NT5DC3: variants seen among roughly 807,000 people sequenced by gnomAD.
NT5DC3 encodes the protein 5'-nucleotidase domain-containing protein 3.
NT5DC3 carries 42 observed loss-of-function variants against 67.8 expected under a neutral mutation model. The observed-to-expected ratio is 0.62, with a 90% CI of 0.48 to 0.80. The LOEUF (loss-of-function observed/expected upper bound fraction) is 0.80, where lower values mean the gene tolerates loss of function less well. Ranked by LOEUF, NT5DC3 falls within the 30% of genes least tolerant of loss-of-function variation. The probability of loss-of-function intolerance (pLI) is 0.00; values close to 1 mark genes in which losing one functional copy is unlikely to be tolerated. For synonymous variants in NT5DC3, 237 were observed against 255.6 expected (o/e 0.93, Z 0.69); for missense variants, 570 against 696.4 (o/e 0.82, Z 2.04).
rs1887189237 is a variant in NT5DC3 at position 103,815,026 on chromosome 12, C to T, written c.304G>A (p.Asp102Asn). 6.2e-7 allele frequency: 1 copy of T among 1,613,474 alleles called. No individual in the cohort carries two copies. The highest frequency in any genetic ancestry group is 8.5e-7 in the Non-Finnish European group (1 of 1,179,654). The part of the protein sequence containing the change: ...SLSDIEIYGF[D>N]YDYTLVFYSK... Reference sequence around the variant, plus strand: ...TAAAACACCAAGGTGTAATCATAATCGAAGCCATAGATTTCAATGTCTGAC... The same window carrying T: ...TAAAACACCAAGGTGTAATCATAATTGAAGCCATAGATTTCAATGTCTGAC... The change falls in exon 2 of 14, where the codon GAT becomes AAT. Residue 102 changes from aspartate to asparagine, a missense_variant. By Grantham distance (23) the Asp-to-Asn change is conservative (BLOSUM62 1). Coordinates refer to ENST00000392876, the MANE Select transcript of NT5DC3 (RefSeq NM_001031701.3).
chr12:103,802,932 A>G (rs1470346662), intron 4 of NT5DC3, among the ~76,000 whole-genome samples: 2 of 152,210 alleles, frequency 1.3e-5, no homozygotes, highest in Non-Finnish European at 2.9e-5. Context: ...CCAGGCATTC[A>G]GAGGAGGGGA....
At chr12:103,792,380 C>T (rs1593394971) in intron 9 of NT5DC3, among the ~76,000 whole-genome samples, 1 of 152,274 alleles carries the variant, frequency 6.6e-6, no homozygotes, top group Non-Finnish European at 1.5e-5. Context: ...CTTCAAATCA[C>T]CTAACAGAGA....
rs1885227349 is a variant in NT5DC3 at position 103,773,031 on chromosome 12, A to G, written c.*4798T>C. Reference sequence around the variant, plus strand: ...GATGGCTCAAGTACACACACTGGCCATACATGTAACTATGCCCAGGAAGTA... The same window carrying G: ...GATGGCTCAAGTACACACACTGGCCGTACATGTAACTATGCCCAGGAAGTA... On this transcript the variant is annotated 3_prime_UTR_variant, in exon 14 of 14. Coordinates refer to ENST00000392876, the MANE Select transcript of NT5DC3 (RefSeq NM_001031701.3). The G allele has an allele frequency of 6.6e-6, 1 of 152,332 alleles. No individual in the cohort carries two copies. The highest frequency in any genetic ancestry group is 2.1e-4 in the South Asian group (1 of 4,830). 9.4% of individuals were successfully genotyped at this position (152,332 alleles called of 1,614,324 possible).
chr12:103,817,091 G>C (rs1158418069), intron 1 of NT5DC3, among the ~76,000 whole-genome samples: 1 of 148,008 alleles, frequency 6.8e-6, no homozygotes, highest in Admixed American at 7.0e-5. Flanking sequence ...ACAGTTATCA[G>C]ATGTGCCAGG....
intron 1 of NT5DC3, among the ~76,000 whole-genome samples, chr12:103,837,085 G>C (rs2374287): frequency 6.6e-6 from 1 of 152,228 alleles, no homozygotes; most frequent in Non-Finnish European, 1.5e-5. Flanking sequence ...CTGAAATCTA[G>C]GTAGAGGTTC....
intron 4 of NT5DC3, among the ~76,000 whole-genome samples, chr12:103,799,641 C>G (rs1316474064): frequency 2.6e-5 from 4 of 152,112 alleles, no homozygotes; most frequent in Non-Finnish European, 4.4e-5. Flanking sequence ...CCACACCCAA[C>G]GCTCAGTGGA....
At chr12:103,831,770 C>CTTTTTT (rs568035358) in intron 1 of NT5DC3, among the ~76,000 whole-genome samples, 5 of 109,652 alleles carry the variant, frequency 4.6e-5, no homozygotes, top group Non-Finnish European at 7.2e-5. Context: ...TCAGCATCCT[C>CTTTTTT]TTTTTTTTTT....
intron 1 of NT5DC3, among the ~76,000 whole-genome samples, chr12:103,840,580 G>A (rs1008980044): frequency 4.0e-5 from 6 of 151,540 alleles, no homozygotes; most frequent in African/African-American, 1.2e-4. Context: ...TACTATTGAT[G>A]AGTAACAACA....
chr12:103,777,521 G>A lies in NT5DC3; in HGVS notation c.*308C>T, dbSNP rs564164239. The A allele has an allele frequency of 1.7e-4, 65 of 372,008 alleles. 1 individual carries two copies. Among genetic ancestry groups the A allele is most frequent in the African/African-American group, 1.2e-3 (61 of 49,474 alleles). The allele number at this position is 372,008 out of a possible 1,614,324, so 23.0% of individuals were successfully genotyped here. On this transcript the variant is annotated 3_prime_UTR_variant, in exon 14 of 14. Transcript: ENST00000392876. ...TTCAAGCTTGACCTGCTAGAATACA[G>A]ACATGGCATCAAGTGGTCTCACCTA...
Position 103,798,687 on chromosome 12 carries a change from C to A in NT5DC3, c.525-10G>T, listed in dbSNP as rs200110814. On this transcript the variant is annotated splice_polypyrimidine_tract_variant and intron_variant, in intron 4 of 13. Transcript: ENST00000392876. ...GACAACACTGAGGCCTCTGGAAAAA[C>A]CAGATGGTGCAGTTAAAGAGCTCAA... is the stretch of plus-strand genomic sequence containing the variant. 334 of 1,591,902 alleles carry A rather than the reference C, an allele frequency of 2.1e-4. 1 individual carries two copies. The highest frequency in any genetic ancestry group is 2.8e-4 in the Non-Finnish European group (327 of 1,159,840).
At position 103,778,155 on chromosome 12, in the gene NT5DC3, A is replaced by C. The variant is rs1157831010; in HGVS notation, c.1395-74T>G. ...CTTGTTTTTAAACTACTGAAATCAA[A>C]ATCACTTCTTTTTTTAAAAAAAAAA... On this transcript the variant is annotated intron_variant, in intron 13 of 13. Coordinates refer to ENST00000392876, the MANE Select transcript of NT5DC3 (RefSeq NM_001031701.3). The C allele has an allele frequency of 6.2e-6, 9 of 1,445,620 alleles. No individual in the cohort carries two copies. The Admixed American group carries it at 1.2e-4, about 19-fold the overall frequency. The allele number at this position is 1,445,620 out of a possible 1,614,324, so 89.5% of individuals were successfully genotyped here. A position where few individuals can be genotyped will look rare whatever the true frequency, so the allele number is the denominator to read the frequency against.
intron 1 of NT5DC3, among the ~76,000 whole-genome samples, chr12:103,827,138 G>A (rs940390505): frequency 6.6e-6 from 1 of 152,100 alleles, no homozygotes; most frequent in Admixed American, 6.6e-5. Flanking sequence ...CCAGCTACTC[G>A]GGAAGCTGAG....
At chr12:103,834,817 C>G (rs1166407994) in intron 1 of NT5DC3, among the ~76,000 whole-genome samples, 3 of 152,142 alleles carry the variant, frequency 2.0e-5, no homozygotes, top group African/African-American at 7.2e-5. Context: ...GGGAAGACAC[C>G]TGAACAGATT....
At chr12:103,835,068 G>A (rs1325460522) in intron 1 of NT5DC3, among the ~76,000 whole-genome samples, 1 of 152,126 alleles carries the variant, frequency 6.6e-6, no homozygotes, top group Non-Finnish European at 1.5e-5. Context: ...TCACTCATCT[G>A]TTTACCAGAA....
At chr12:103,794,738 G>A (rs1292509610) in intron 6 of NT5DC3, among the ~76,000 whole-genome samples, 1 of 152,216 alleles carries the variant, frequency 6.6e-6, no homozygotes, top group African/African-American at 2.4e-5. Context: ...GAGACAAATA[G>A]CTTACAAGTT....
At chr12:103,754,737 G>A in the NT5DC3 span, among the ~76,000 whole-genome samples, 1 of 152,076 alleles carries the variant, frequency 6.6e-6, no homozygotes, top group Non-Finnish European at 1.5e-5. Flanking sequence ...ATCACTTGAG[G>A]TCAGGAGTTT....
chr12:103,788,976 T>A, intron 9 of NT5DC3, 57 bp from the exon 10 acceptor site: 1 of 1,147,372 alleles, frequency 8.7e-7, no homozygotes, highest in Non-Finnish European at 1.3e-6. Flanking sequence ...GTCTGCTCTA[T>A]GAAATACCAG....
At chr12:103,840,170 T>C (rs1888318893) in intron 1 of NT5DC3, among the ~76,000 whole-genome samples, 1 of 152,184 alleles carries the variant, frequency 6.6e-6, no homozygotes, top group Admixed American at 6.5e-5. Context: ...ACCTCCTTCG[T>C]AGATTACAGG....
At chr12:103,749,176 G>C in the NT5DC3 span, 1 of 1,581,096 alleles carries the variant, frequency 6.3e-7, no homozygotes, top group Non-Finnish European at 8.6e-7. Context: ...TCTTTCCCAG[G>C]GAAATTTGGG....
Sources: gnomAD v4.1 joint callset for allele counts (sites outside exome capture counted in the v4.1 genomes callset) on GRCh38, gnomAD v4.1.1 for gene constraint, MANE v1.5 for transcripts, NCBI Gene and HGNC (gene_info 2026-07-23, HGNC 2026-07-21) for gene names.